PACS1: variants seen among roughly 807,000 people sequenced by gnomAD.
The protein encoded by PACS1 is PACS-1.
In PACS1, 24 loss-of-function variants were observed where a neutral mutation model predicts 115.0. The ratio of observed to expected loss-of-function variants is 0.21; its 90% CI spans 0.15 to 0.29. The LOEUF (loss-of-function observed/expected upper bound fraction) is 0.29, where lower values mean the gene tolerates loss of function less well. PACS1 is among the 10% of genes least tolerant of loss of function. PACS1 has a pLI of 1.00. For synonymous variants in PACS1, 453 were observed against 504.5 expected (o/e 0.90, Z 1.37); for missense variants, 838 against 1,251.2 (o/e 0.67, Z 4.98).
chr11:66,172,463 C>T (rs1332927434), intron 1 of PACS1, among the ~76,000 whole-genome samples: 2 of 152,192 alleles, frequency 1.3e-5, no homozygotes, highest in Non-Finnish European at 2.9e-5. Context: ...GGTTATCAAG[C>T]AGTCCTGGGA....
At chr11:66,164,934 T>A (rs1390305927) in intron 1 of PACS1, among the ~76,000 whole-genome samples, 2 of 152,098 alleles carry the variant, frequency 1.3e-5, no homozygotes, top group Non-Finnish European at 2.9e-5. Context: ...TAACAAGCTG[T>A]GCTAGAAATT....
chr11:66,150,428 G>A (rs1859209303), intron 1 of PACS1, among the ~76,000 whole-genome samples: 1 of 151,438 alleles, frequency 6.6e-6, no homozygotes, highest in South Asian at 2.1e-4. Flanking sequence ...ATATCTAACT[G>A]AGCTATTCTT....
At position 66,227,599 on chromosome 11, in the gene PACS1, G is replaced by A; in HGVS notation, c.1374+15G>A. 3 of 1,524,774 alleles carry A rather than the reference G, an allele frequency of 2.0e-6. No homozygotes were observed. The highest frequency in any genetic ancestry group is 2.7e-6 in the Non-Finnish European group (3 of 1,110,750). 94.5% of individuals were successfully genotyped at this position (1,524,774 alleles called of 1,614,324 possible). A position where few individuals can be genotyped will look rare whatever the true frequency, so the allele number is the denominator to read the frequency against. Reference sequence around the variant, plus strand: ...CAGACACTCTGGTATGTATGGGTCAGTTTCCTGTTTCAGCTGTTTCAAATA... The same window carrying A: ...CAGACACTCTGGTATGTATGGGTCAATTTCCTGTTTCAGCTGTTTCAAATA... On this transcript the variant is annotated intron_variant, in intron 11 of 23. Coordinates refer to ENST00000320580, the MANE Select transcript of PACS1 (RefSeq NM_018026.4).
At chr11:66,080,306 G>T (rs183620962) in intron 1 of PACS1, among the ~76,000 whole-genome samples, 1 of 152,132 alleles carries the variant, frequency 6.6e-6, no homozygotes, top group South Asian at 2.1e-4. Context: ...ATTCTCTCCC[G>T]GGGTGTGCTT....
In PACS1 at chr11:66,233,548, A is replaced by AC. The variant is rs1214887716; in HGVS notation, c.1839-236dup. Reference sequence around the variant, plus strand: ...CATCCCAGGCACACTGCCGAGTCCTACGTTAGCCTCAGCTGTTCCGTCTGC... The same window carrying AC: ...CATCCCAGGCACACTGCCGAGTCCTACCGTTAGCCTCAGCTGTTCCGTCTGC... On this transcript the variant is annotated intron_variant, in intron 15 of 23. Coordinates refer to ENST00000320580, the MANE Select transcript of PACS1 (RefSeq NM_018026.4). This position sits in a 1 kb window ranked among gnomAD's most constrained non-coding sequence, Gnocchi z 4.5. 1.3e-5 allele frequency among the ~76,000 whole-genome samples: 2 copies of AC among 152,184 alleles called. No individual in the cohort carries two copies. The highest frequency in any genetic ancestry group is 4.8e-5 in the African/African-American group (2 of 41,468).
At chr11:66,163,257 G>A (rs1187563149) in intron 1 of PACS1, among the ~76,000 whole-genome samples, 1 of 150,976 alleles carries the variant, frequency 6.6e-6, no homozygotes, top group Admixed American at 6.6e-5. Context: ...AGGCTAAGGT[G>A]AGAGAACTGC....
chr11:66,221,080 A>G, intron 9 of PACS1, 74 bp from the exon 10 acceptor site: 1 of 1,383,556 alleles, frequency 7.2e-7, no homozygotes, highest in Non-Finnish European at 1.0e-6. Context: ...CCTGAATGCC[A>G]GCTCCATTCA....
At chr11:66,163,853 C>T (rs1426813364) in intron 1 of PACS1, among the ~76,000 whole-genome samples, 2 of 152,164 alleles carry the variant, frequency 1.3e-5, no homozygotes, top group Non-Finnish European at 2.9e-5. Flanking sequence ...AAAACCCCAG[C>T]TGATTATACA....
chr11:66,103,337 CAGGCCTGTCCTTAGAG>C (rs1271531645), intron 1 of PACS1, among the ~76,000 whole-genome samples: 5 of 152,144 alleles, frequency 3.3e-5, no homozygotes, highest in Non-Finnish European at 5.9e-5. Flanking sequence ...GTGGGTGGCT[CAGGCCTGTCCTTAGAG>C]AGCTCCCCAT....
chr11:66,220,501 C>G (rs1855318005), intron 8 of PACS1, 130 bp from the exon 9 acceptor site: 1 of 839,596 alleles, frequency 1.2e-6, no homozygotes, highest in South Asian at 1.7e-5. Context: ...AAGGTTACTC[C>G]AGCCAGTGTG....
intron 1 of PACS1, among the ~76,000 whole-genome samples, chr11:66,078,396 A>T (rs1006199927): frequency 6.6e-6 from 1 of 152,258 alleles, no homozygotes; most frequent in East Asian, 1.9e-4. Flanking sequence ...CCTCCAAATG[A>T]CAGATCTTTT....
chr11:66,225,356 A>G (rs1200169101), intron 10 of PACS1, among the ~76,000 whole-genome samples: 2 of 152,190 alleles, frequency 1.3e-5, no homozygotes, highest in African/African-American at 2.4e-5. Context: ...GTGTTCCAAC[A>G]TCTTTTGGGG....
chr11:66,228,312 G>A (rs989859647), intron 11 of PACS1, among the ~76,000 whole-genome samples: 2 of 152,046 alleles, frequency 1.3e-5, no homozygotes, highest in South Asian at 2.1e-4. Context: ...TGAGCCTCAC[G>A]GTGGGACCTG....
chr11:66,128,883 C>CAAAAAAAAA (rs71455705), intron 1 of PACS1, among the ~76,000 whole-genome samples: 1 of 128,010 alleles, frequency 7.8e-6, no homozygotes, highest in African/African-American at 2.8e-5. Context: ...GACTCCATCT[C>CAAAAAAAAA]AAAAAAAAAA....
intron 4 of PACS1, among the ~76,000 whole-genome samples, chr11:66,215,066 G>A (rs1565150190): frequency 6.6e-6 from 1 of 151,902 alleles, no homozygotes; most frequent in Non-Finnish European, 1.5e-5. Context: ...CTGAGTAGCT[G>A]GGACTACAGG....
At position 66,155,291 on chromosome 11, in the gene PACS1, A is replaced by G. The variant is rs529944048; in HGVS notation, c.357-38195A>G. On this transcript the variant is annotated intron_variant, in intron 1 of 23. Coordinates refer to ENST00000320580, the MANE Select transcript of PACS1 (RefSeq NM_018026.4). ...AATGAATGCTAAATTGGACTTTATC[A>G]AAATTGAAATGTGCTTTTTCAGAAA... is the stretch of plus-strand genomic sequence containing the variant. Among the ~76,000 whole-genome samples, 15 of 152,354 alleles carry G rather than the reference A, an allele frequency of 9.8e-5. 1 individual carries two copies. Among genetic ancestry groups the G allele is most frequent in the African/African-American group, 3.4e-4 (14 of 41,578 alleles).
chr11:66,073,916 CTTTTTTT>C (rs34145797), intron 1 of PACS1, among the ~76,000 whole-genome samples: 13 of 76,938 alleles, frequency 1.7e-4, no homozygotes, highest in Non-Finnish European at 2.7e-4. Context: ...TCACACCTGG[CTTTTTTT>C]TTTTTTTTTT....
At position 66,243,948 on chromosome 11, in the gene PACS1, TC is replaced by T; in HGVS notation, c.*674del. 6.6e-6 allele frequency: 1 copy of T among 152,258 alleles called. No individual in the cohort carries two copies. Among genetic ancestry groups the T allele is most frequent in the Non-Finnish European group, 1.5e-5 (1 of 68,098 alleles). 9.4% of individuals were successfully genotyped at this position (152,258 alleles called of 1,614,324 possible). ...TCTAGGACAGAGGGGCCTCCCAGTCTCCCCCCACCACCCGTGCACGACTTCC... is the reference window on the plus strand; with the variant it reads ...TCTAGGACAGAGGGGCCTCCCAGTCTCCCCCACCACCCGTGCACGACTTCC... On this transcript the variant is annotated 3_prime_UTR_variant, in exon 24 of 24. Coordinates refer to ENST00000320580, the MANE Select transcript of PACS1 (RefSeq NM_018026.4).
At chr11:66,176,539 G>A (rs1453051039) in intron 1 of PACS1, among the ~76,000 whole-genome samples, 1 of 151,224 alleles carries the variant, frequency 6.6e-6, no homozygotes, top group East Asian at 1.9e-4. Flanking sequence ...TCAGCCTCCC[G>A]AATAGCTGGG....
Sources: gnomAD v4.1 joint callset for allele counts (sites outside exome capture counted in the v4.1 genomes callset) on GRCh38, gnomAD v4.1.1 for gene constraint, Gnocchi (gnomAD v3.1) non-coding constraint, MANE v1.5 for transcripts, NCBI Gene and HGNC (gene_info 2026-07-23, HGNC 2026-07-21) for gene names.